Variants in GAD1 observed in about 807,000 individuals in gnomAD.
The protein encoded by GAD1 is 67 kDa glutamic acid decarboxylase.
GAD1 carries 35 observed loss-of-function variants against 75.2 expected under a neutral mutation model. The observed-to-expected ratio is 0.47, with a 90% CI of 0.36 to 0.62. The LOEUF (loss-of-function observed/expected upper bound fraction) is 0.62, where lower values mean the gene tolerates loss of function less well. Among genes scored for constraint, GAD1 ranks in the 20% least tolerant of loss-of-function variants. The pLI is 0.00. For missense variants in GAD1, 490 were observed against 758.5 expected (o/e 0.65, Z 4.16); for synonymous variants, 257 against 271.9 (o/e 0.95, Z 0.54).
At chr2:170,826,286 GC>G (rs1702023819) in intron 3 of GAD1, among the ~76,000 whole-genome samples, 1 of 152,202 alleles carries the variant, frequency 6.6e-6, no homozygotes, top group East Asian at 1.9e-4. Flanking sequence ...GTGTCGTAGG[GC>G]CGGGCGCAGT....
intron 5 of GAD1, among the ~76,000 whole-genome samples, chr2:170,835,279 T>C (rs560359461): frequency 6.6e-6 from 1 of 152,342 alleles, no homozygotes; most frequent in African/African-American, 2.4e-5. Context: ...TTGCCTTGTC[T>C]CCTAATCAAG....
intron 2 of GAD1, among the ~76,000 whole-genome samples, chr2:170,819,568 C>T (rs1305261759): frequency 6.6e-6 from 1 of 152,114 alleles, no homozygotes; most frequent in African/African-American, 2.4e-5. Flanking sequence ...TATTTCCTAC[C>T]TCTGTAAAGG....
At chr2:170,843,974 C>A in intron 6 of GAD1, 71 bp from the exon 7 acceptor site, 3 of 835,732 alleles carry the variant, frequency 3.6e-6, no homozygotes, top group East Asian at 2.5e-5. Context: ...CTAAACCAAT[C>A]CTCTGTGTTC....
chr2:170,817,468 G>T (rs1396488248), intron 1 of GAD1: 1 of 152,352 alleles, frequency 6.6e-6, no homozygotes, highest in Non-Finnish European at 1.5e-5. Flanking sequence ...CCGAGTTGCT[G>T]TGCGACTGCG....
chr2:170,849,152 T>C (rs1189825284), intron 11 of GAD1, 134 bp from the exon 12 acceptor site: 8 of 773,478 alleles, frequency 1.0e-5, no homozygotes, highest in Admixed American at 1.0e-4. Flanking sequence ...CAGTGTGGGC[T>C]GAACTTTTCT....
intron 3 of GAD1, among the ~76,000 whole-genome samples, 177 bp downstream of exon 3, chr2:170,822,326 C>T (rs1343776658): frequency 6.6e-6 from 1 of 152,218 alleles, no homozygotes; most frequent in Non-Finnish European, 1.5e-5. Context: ...CCCTCCTCTG[C>T]CCGCCCCAGA....
At chr2:170,834,000 C>CAAAA (rs780406848) in intron 5 of GAD1, among the ~76,000 whole-genome samples, 1 of 137,584 alleles carries the variant, frequency 7.3e-6, no homozygotes, top group African/African-American at 2.7e-5. Context: ...GACCCTGTTT[C>CAAAA]AAAAAAAAAA....
At chr2:170,813,825 C>T (rs1306093819), upstream of GAD1, among the ~76,000 whole-genome samples, 2 of 152,146 alleles carry the variant, frequency 1.3e-5, no homozygotes, top group East Asian at 3.9e-4. Context: ...CCTAAGGAAA[C>T]GTTATCCTCG....
intron 5 of GAD1, 75 bp downstream of exon 5, chr2:170,831,267 C>T (rs1702216344): frequency 1.3e-6 from 2 of 1,518,034 alleles, no homozygotes. Context: ...GTGAGGATAT[C>T]AAACTTGTGT....
chr2:170,813,656 A>AC (rs544039097), upstream of GAD1, among the ~76,000 whole-genome samples: 31 of 152,318 alleles, frequency 2.0e-4, no homozygotes, highest in East Asian at 4.8e-3. Context: ...TCAACGCCTC[A>AC]CGCTCCTCCT....
chr2:170,820,248 C>T (rs1443036422), intron 2 of GAD1, among the ~76,000 whole-genome samples: 2 of 152,210 alleles, frequency 1.3e-5, no homozygotes. Flanking sequence ...TCCCGGTGGC[C>T]GCCAGTCGCC....
intron 6 of GAD1, among the ~76,000 whole-genome samples, chr2:170,841,391 A>T (rs916282468): frequency 1.3e-5 from 2 of 152,098 alleles, no homozygotes; most frequent in Non-Finnish European, 2.9e-5. Context: ...TCCCAAAGGG[A>T]TCTGTAATCC....
In GAD1 at chr2:170,830,960, G is replaced by T. The variant is rs112067895; in HGVS notation, c.315G>T (p.Pro105=). ...FSNLFARDLL[P]AKNGEEQTVQ... is the part of the protein sequence containing the mutation. Reference sequence around the variant, plus strand: ...CTCTCCCCAATTCAGATCTGCTTCCGGCTAAGAACGGTGAGGAGCAAACCG... The same window carrying T: ...CTCTCCCCAATTCAGATCTGCTTCCTGCTAAGAACGGTGAGGAGCAAACCG... Residue 105 remains proline (P), a synonymous_variant, in exon 5 of 17, where the codon CCG becomes CCT. Transcript: ENST00000358196. 6.8e-6 allele frequency: 11 copies of T among 1,614,132 alleles called. 1 individual carries two copies. The highest frequency in any genetic ancestry group is 6.7e-5 in the African/African-American group (5 of 75,024).
intron 6 of GAD1, among the ~76,000 whole-genome samples, chr2:170,840,658 A>AAGGGAGGTAGGGG (rs1553578766): frequency 1.3e-5 from 1 of 77,320 alleles, no homozygotes; most frequent in East Asian, 5.1e-4. Context: ...GGAGGTAGGG[A>AAGGGAGGTAGGGG]AGGGAGGGAG....
intron 5 of GAD1, among the ~76,000 whole-genome samples, chr2:170,833,178 G>C (rs1702285830): frequency 6.6e-6 from 1 of 152,180 alleles, no homozygotes; most frequent in Non-Finnish European, 1.5e-5. Flanking sequence ...AGACTAGGAG[G>C]CTGGTGGTGA....
In GAD1 at chr2:170,858,876, C is replaced by T. The variant is rs776783455; in HGVS notation, c.1594C>T (p.Arg532Trp). ...GGGTGTGCCAGACAGCCCTCAACGA[C>T]GGGAAAAGCTACACAAGGTATGGAC... is the stretch of plus-strand genomic sequence containing the variant. ...LRGVPDSPQR[R>W]EKLHKVAPKI... Residue 532 changes from arginine (R) to tryptophan (W), a missense_variant, in exon 16 of 17, where the codon CGG becomes TGG. Physicochemically the swap from Arg to Trp is moderately radical, Grantham distance 101. This residue lies in a region of GAD1 where 324 missense variants were observed against 523.9 expected (regional missense o/e 0.62). Coordinates refer to ENST00000358196, the MANE Select transcript of GAD1 (RefSeq NM_000817.3). 2.2e-5 allele frequency: 36 copies of T among 1,613,970 alleles called. No individual in the cohort carries two copies. Among genetic ancestry groups the T allele is most frequent in the African/African-American group, 1.5e-4 (11 of 74,908 alleles).
chr2:170,839,651 C>T (rs1369455387), intron 6 of GAD1, among the ~76,000 whole-genome samples: 1 of 151,564 alleles, frequency 6.6e-6, no homozygotes, highest in Non-Finnish European at 1.5e-5. Flanking sequence ...TGCCTTTACA[C>T]CTGTTTCTGC....
intron 6 of GAD1, among the ~76,000 whole-genome samples, chr2:170,839,091 C>T (rs574317636): frequency 2.6e-5 from 4 of 152,224 alleles, no homozygotes; most frequent in East Asian, 1.9e-4. Context: ...CTTCTCCAGT[C>T]GGGAACAGTG....
intron 5 of GAD1, among the ~76,000 whole-genome samples, chr2:170,832,664 G>GCGCACACA (rs1383855055): frequency 3.8e-5 from 3 of 78,968 alleles, no homozygotes; most frequent in African/African-American, 7.6e-5. Flanking sequence ...GCGCGCGCGC[G>GCGCACACA]CACACACACA....
Sources: gnomAD v4.1 joint callset for allele counts (sites outside exome capture counted in the v4.1 genomes callset) on GRCh38, gnomAD v4.1.1 for gene constraint, gnomAD v4.1.1 regional missense constraint, MANE v1.5 for transcripts, NCBI Gene and HGNC (gene_info 2026-07-23, HGNC 2026-07-21) for gene names.